The following MAP2 variants were observed in gnomAD, a reference collection of about 807,000 sequenced individuals.
The protein encoded by MAP2 is microtubule-associated protein 2.
A neutral mutation model predicts 137.6 loss-of-function variants in MAP2; 14 were observed. That is an observed-to-expected ratio of 0.10 (90% CI 0.07 to 0.16). The LOEUF is 0.16. Among genes scored for constraint, MAP2 ranks in the 10% least tolerant of loss-of-function variants. The pLI is 1.00. For missense variants in MAP2, 2,088 were observed against 2,191.5 expected, an observed-to-expected ratio of 0.95 and a Z score of 0.94; for synonymous variants, 786 against 782.3, an observed-to-expected ratio of 1.00 and a Z score of -0.08.
At chr2:209,436,262 C>T (rs1353360348) in intron 1 of MAP2, among the ~76,000 whole-genome samples, 2 of 151,164 alleles carry the variant, frequency 1.3e-5, no homozygotes, top group East Asian at 1.9e-4. Flanking sequence ...TAAAGGTTTG[C>T]ATTAAGACGT....
intron 2 of MAP2, among the ~76,000 whole-genome samples, chr2:209,561,877 G>GCA (rs978239600): frequency 6.6e-6 from 1 of 152,130 alleles, no homozygotes; most frequent in African/African-American, 2.4e-5. Flanking sequence ...CATTGATGAA[G>GCA]CACTCAGCAT....
chr2:209,478,685 A>C (rs1158120820), intron 1 of MAP2, among the ~76,000 whole-genome samples: 1 of 152,194 alleles, frequency 6.6e-6, no homozygotes, highest in African/African-American at 2.4e-5. Context: ...ACATTATTAA[A>C]ATACCAACTT....
intron 2 of MAP2, among the ~76,000 whole-genome samples, chr2:209,520,813 C>T (rs1413557514): frequency 6.6e-6 from 1 of 151,984 alleles, no homozygotes; most frequent in Non-Finnish European, 1.5e-5. Context: ...TACTATAAAG[C>T]ACTTACAGTT....
chr2:209,455,942 A>G (rs1349397905), intron 1 of MAP2, among the ~76,000 whole-genome samples: 6 of 152,184 alleles, frequency 3.9e-5, no homozygotes, highest in Non-Finnish European at 5.9e-5. Flanking sequence ...ATTAAACATG[A>G]TATCTACACT....
At position 209,694,456 on chromosome 2, in the gene MAP2, A is replaced by G. The variant is rs771137116; in HGVS notation, c.2286A>G (p.Glu762=). 3.7e-6 allele frequency: 6 copies of G among 1,613,956 alleles called. No homozygotes were observed. The African/African-American group carries it at 6.7e-5, about 18-fold the overall frequency. Residue 762 remains glutamate (E), a synonymous_variant, in exon 8 of 16, where the codon GAA becomes GAG. Transcript: ENST00000682079. The stretch of plus-strand genomic sequence containing the variant: ...AGAAAGCCCCTTGCTTCCCTGTAGA[A>G]AGCAAAGAGGAAGAACAGATAGAGA... ...ALEKAPCFPV[E]SKEEEQIEKV... is the part of the protein sequence containing the mutation.
intron 1 of MAP2, among the ~76,000 whole-genome samples, chr2:209,477,599 T>C (rs549357072): frequency 6.6e-6 from 1 of 152,276 alleles, no homozygotes; most frequent in South Asian, 2.1e-4. Flanking sequence ...TGTCTTAATC[T>C]CTACCTATGC....
At chr2:209,609,468 C>G (rs890775746) in intron 3 of MAP2, among the ~76,000 whole-genome samples, 6 of 152,112 alleles carry the variant, frequency 3.9e-5, no homozygotes, top group Admixed American at 3.9e-4. Flanking sequence ...TTATCACCCC[C>G]AATGGAAACC....
rs950206349 is a variant in MAP2, at chr2:209,730,523, A to G, written c.*126A>G. The G allele has an allele frequency of 3.0e-6, 2 of 677,862 alleles. No individual in the cohort carries two copies. The highest frequency in any genetic ancestry group is 4.9e-6 in the Non-Finnish European group (2 of 405,374). The allele number at this position is 677,862 out of a possible 1,614,324, so 42.0% of individuals were successfully genotyped here. ...ATAAATAATCTCATCCCCAAACTGT[A>G]GTAATTGTTACAATTTTCTATTTAA... On this transcript the variant is annotated 3_prime_UTR_variant, in exon 16 of 16. Transcript: ENST00000682079.
chr2:209,572,261 C>G (rs1211898412), intron 2 of MAP2, among the ~76,000 whole-genome samples: 1 of 152,026 alleles, frequency 6.6e-6, no homozygotes, highest in Non-Finnish European at 1.5e-5. Context: ...CTTCTCATTG[C>G]AGTACAACTC....
At chr2:209,579,762 G>C (rs1222626222) in intron 2 of MAP2, 1 of 152,162 alleles carries the variant, frequency 6.6e-6, no homozygotes, top group African/African-American at 2.4e-5. Flanking sequence ...GCTGGTAATG[G>C]TTTGGGGCTT....
intron 10 of MAP2, among the ~76,000 whole-genome samples, chr2:209,698,732 C>T (rs2060940820): frequency 6.6e-6 from 1 of 152,158 alleles, no homozygotes; most frequent in South Asian, 2.1e-4. Context: ...CGTGACATAC[C>T]TCAATTCATT....
chr2:209,647,350 T>A (rs915805017), intron 4 of MAP2, among the ~76,000 whole-genome samples: 1 of 152,102 alleles, frequency 6.6e-6, no homozygotes, highest in Non-Finnish European at 1.5e-5. Context: ...AACCTTTTAA[T>A]CAAAATGAGG....
chr2:209,525,219 T>A (rs1243908119), intron 2 of MAP2, among the ~76,000 whole-genome samples: 4 of 152,186 alleles, frequency 2.6e-5, no homozygotes, highest in Non-Finnish European at 1.5e-5. Context: ...CTAATTTTTT[T>A]AAAACTTAGA....
intron 3 of MAP2, among the ~76,000 whole-genome samples, chr2:209,603,764 T>C (rs565648589): frequency 6.6e-6 from 1 of 152,266 alleles, no homozygotes; most frequent in African/African-American, 2.4e-5. Flanking sequence ...AGACATCTTT[T>C]TAAGTAACAG....
At chr2:209,593,799 T>G in intron 3 of MAP2, among the ~76,000 whole-genome samples, 1 of 618 alleles carries the variant, frequency 1.6e-3, no homozygotes, top group South Asian at 0.5. Context: ...ATATTATATA[T>G]AATATATAAT....
intron 1 of MAP2, among the ~76,000 whole-genome samples, chr2:209,505,423 G>A (rs2060909735): frequency 6.6e-6 from 1 of 152,036 alleles, no homozygotes; most frequent in Non-Finnish European, 1.5e-5. Context: ...AAGTCACACT[G>A]GACGCTATCA....
chr2:209,704,621 G>A (rs1164348085), intron 11 of MAP2: 1 of 1,595,910 alleles, frequency 6.3e-7, no homozygotes, highest in East Asian at 2.3e-5. Flanking sequence ...AGGGAACAAG[G>A]TAAGGCGGCA....
intron 5 of MAP2, among the ~76,000 whole-genome samples, chr2:209,654,597 CAT>C (rs1390403287): frequency 6.6e-6 from 1 of 152,148 alleles, no homozygotes; most frequent in African/African-American, 2.4e-5. Context: ...ATATGGATGA[CAT>C]AGCACTCTTG....
chr2:209,470,479 T>A (rs1195291872), intron 1 of MAP2, among the ~76,000 whole-genome samples: 7 of 149,518 alleles, frequency 4.7e-5, no homozygotes, highest in Admixed American at 1.3e-4. Flanking sequence ...ACATATATAT[T>A]ATATATATAA....
Sources: allele counts gnomAD v4.1 joint callset (sites outside exome capture counted in the v4.1 genomes callset), GRCh38; gene constraint gnomAD v4.1.1; transcripts MANE v1.5; gene names NCBI Gene and HGNC (gene_info 2026-07-23, HGNC 2026-07-21).